OR51B5: variants seen among roughly 807,000 people sequenced by gnomAD.
OR51B5 encodes the protein olfactory receptor 51B5.
For missense variants in OR51B5, 456 were observed against 374.6 expected (o/e 1.22, Z -1.79); for synonymous variants, 186 against 144.8 (o/e 1.28, Z -2.04).
chr11:5,422,597 C>T, intron 1 of OR51B5: 1 of 1,614,182 alleles, frequency 6.2e-7, no homozygotes, highest in Non-Finnish European at 8.5e-7. Context: ...CTGTCCCCTC[C>T]ATTATGCCTC....
upstream of OR51B5, among the ~76,000 whole-genome samples, chr11:5,347,234 GT>G (rs1849007307): frequency 6.6e-6 from 1 of 152,116 alleles, no homozygotes; most frequent in Non-Finnish European, 1.5e-5. Context: ...ATCTTTCCCA[GT>G]TTATCTCAAG....
upstream of OR51B5, among the ~76,000 whole-genome samples, chr11:5,347,964 C>A (rs1164479736): frequency 1.3e-5 from 2 of 151,820 alleles, no homozygotes; most frequent in African/African-American, 4.8e-5. Context: ...GACTATGGAA[C>A]TGAAGAATGG....
intron 1 of OR51B5, among the ~76,000 whole-genome samples, chr11:5,446,728 A>T (rs1216858044): frequency 6.6e-6 from 1 of 152,186 alleles, no homozygotes; most frequent in Non-Finnish European, 1.5e-5. Context: ...ATCCCATTCT[A>T]GGGACATCTA....
At chr11:5,413,442 C>A (rs1306786340) in intron 1 of OR51B5, among the ~76,000 whole-genome samples, 1 of 152,196 alleles carries the variant, frequency 6.6e-6, no homozygotes, top group Non-Finnish European at 1.5e-5. Context: ...CAGAGAATGA[C>A]TTTGATGACT....
Position 5,489,331 on chromosome 11 carries a change from G to T in OR51B5, n.84+16238C>A, listed in dbSNP as rs139171219. The T allele has an allele frequency of 2.7e-4, 443 of 1,613,860 alleles. No individual in the cohort carries two copies. The highest frequency in any genetic ancestry group is 3.6e-4 in the Non-Finnish European group (427 of 1,179,930). ...CTATGGGCTAACTGTGGCTCTGCTG[G>T]CCATGGGACTGGATTCCATTCTCAT... On this transcript the variant is annotated intron_variant and non_coding_transcript_variant, in intron 1 of 4. Coordinates refer to the OR51B5 transcript ENST00000415970.
chr11:5,479,548 T>A (rs1851380846), intron 1 of OR51B5, among the ~76,000 whole-genome samples: 1 of 150,678 alleles, frequency 6.6e-6, no homozygotes, highest in Admixed American at 6.6e-5. Flanking sequence ...AATGCTCCAA[T>A]TAAAAGACAC....
exon 1 of OR51B5, chr11:5,343,089 C>T: frequency 6.2e-7 from 1 of 1,613,056 alleles, no homozygotes; most frequent in South Asian, 1.1e-5. Context: ...CTCATCAGAA[C>T]TCCCAGCCCA....
chr11:5,342,263 TCTG>T (rs1324098715), downstream of OR51B5, among the ~76,000 whole-genome samples: 2 of 152,266 alleles, frequency 1.3e-5, no homozygotes, highest in East Asian at 3.9e-4. Flanking sequence ...TCTGTTCCTA[TCTG>T]CTAACTTTAT....
intron 1 of OR51B5, among the ~76,000 whole-genome samples, chr11:5,503,292 C>G (rs1846323662): frequency 6.6e-6 from 1 of 152,104 alleles, no homozygotes; most frequent in East Asian, 1.9e-4. Context: ...GGTAATAGCA[C>G]AGTTTCATCA....
At chr11:5,460,481 C>CTA in intron 1 of OR51B5, among the ~76,000 whole-genome samples, 1 of 2,882 alleles carries the variant, frequency 3.5e-4, no homozygotes, top group Middle Eastern at 0.12. Context: ...CATCTTTCAA[C>CTA]TCGAGTCATT....
chr11:5,346,750 C>G (rs546666013), upstream of OR51B5: 1 of 148,912 alleles, frequency 6.7e-6, no homozygotes, highest in Non-Finnish European at 1.5e-5. Context: ...TTCTCCGTAT[C>G]TTTCTCTGGA....
In OR51B5 at chr11:5,352,087, C is replaced by T. The variant is rs751616967; in HGVS notation, n.85-5177G>A. The T allele has an allele frequency of 1.7e-5, 27 of 1,613,968 alleles. No individual in the cohort carries two copies. In the African/African-American group the frequency reaches 1.7e-4, roughly 10 times the overall value. On this transcript the variant is annotated intron_variant and non_coding_transcript_variant, in intron 1 of 4. Transcript: ENST00000415970. The stretch of plus-strand genomic sequence containing the variant: ...AGCCTGTGCTGACATCACCTTCAAC[C>T]GTCTCTATCCAGTTGTAGTTTTATT...
intron 1 of OR51B5, among the ~76,000 whole-genome samples, chr11:5,417,177 A>C (rs1176716966): frequency 6.6e-6 from 1 of 152,084 alleles, no homozygotes; most frequent in Admixed American, 6.6e-5. Flanking sequence ...AGCAATGGGA[A>C]AGGATTCCCT....
chr11:5,489,140 G>A, intron 1 of OR51B5: 1 of 1,613,928 alleles, frequency 6.2e-7, no homozygotes, highest in Non-Finnish European at 8.5e-7. Context: ...GCTGTCATAG[G>A]CAGAATTGGC....
chr11:5,373,443 G>C (rs1227363844), intron 1 of OR51B5, among the ~76,000 whole-genome samples: 1 of 152,132 alleles, frequency 6.6e-6, no homozygotes, highest in Non-Finnish European at 1.5e-5. Context: ...TGAGGTATGG[G>C]GTTCATCTCG....
intron 1 of OR51B5, among the ~76,000 whole-genome samples, chr11:5,498,123 GA>G (rs1457372239): frequency 1.3e-5 from 2 of 152,164 alleles, no homozygotes; most frequent in Non-Finnish European, 2.9e-5. Context: ...AACCAAACTT[GA>G]GCCCTATAGG....
At chr11:5,366,834 A>C (rs1849376776) in intron 1 of OR51B5, among the ~76,000 whole-genome samples, 1 of 152,210 alleles carries the variant, frequency 6.6e-6, no homozygotes, top group Admixed American at 6.5e-5. Flanking sequence ...TTCCAATCCC[A>C]AGCACGGGTC....
chr11:5,365,562 T>C (rs1849351427), intron 1 of OR51B5, among the ~76,000 whole-genome samples: 1 of 152,204 alleles, frequency 6.6e-6, no homozygotes, highest in Admixed American at 6.5e-5. Context: ...AGCATATTGA[T>C]ACACAAAAAC....
intron 1 of OR51B5, among the ~76,000 whole-genome samples, chr11:5,368,024 C>A (rs554562688): frequency 6.6e-6 from 1 of 152,304 alleles, no homozygotes; most frequent in South Asian, 2.1e-4. Flanking sequence ...TTATATCTTA[C>A]ACCCCACAAC....
Sources: allele counts gnomAD v4.1 joint callset (sites outside exome capture counted in the v4.1 genomes callset), GRCh38; gene constraint gnomAD v4.1.1; transcripts MANE v1.5; gene names NCBI Gene and HGNC (gene_info 2026-07-23, HGNC 2026-07-21).